TAF4: variants seen among roughly 807,000 people sequenced by gnomAD.
The protein encoded by TAF4 is transcription initiation factor TFIID subunit 4.
A neutral mutation model predicts 90.3 loss-of-function variants in TAF4; 9 were observed. That is an observed-to-expected ratio of 0.10 (90% CI 0.06 to 0.17). The LOEUF (loss-of-function observed/expected upper bound fraction) is 0.17. TAF4 is among the 10% of genes least tolerant of loss of function. The probability of loss-of-function intolerance (pLI) is 1.00; values close to 1 mark genes in which losing one functional copy is unlikely to be tolerated. For synonymous variants in TAF4, 818 were observed against 638.9 expected, an observed-to-expected ratio of 1.28 and a Z score of -4.23; for missense variants, 1,351 against 1,370.7, an observed-to-expected ratio of 0.99 and a Z score of 0.23.
At chr20:62,015,054 T>C (rs1413322870) in intron 1 of TAF4, among the ~76,000 whole-genome samples, 3 of 152,188 alleles carry the variant, frequency 2.0e-5, no homozygotes, top group Non-Finnish European at 2.9e-5. Context: ...CCAGTCTCCT[T>C]GCCCCCACCT....
At chr20:61,997,918 C>A (rs949948679) in intron 13 of TAF4, among the ~76,000 whole-genome samples, 1 of 152,170 alleles carries the variant, frequency 6.6e-6, no homozygotes, top group South Asian at 2.1e-4. Flanking sequence ...TAATGCCCCC[C>A]GCAAAGGGAA....
chr20:62,012,617 G>GA, intron 3 of TAF4, 198 bp downstream of exon 3: 1 of 675,228 alleles, frequency 1.5e-6, no homozygotes, highest in Non-Finnish European at 2.2e-6. Context: ...AAAGAAAAAA[G>GA]AAAAAAAGAA....
chr20:62,027,979 T>G (rs1249079786), intron 1 of TAF4, among the ~76,000 whole-genome samples: 1 of 152,224 alleles, frequency 6.6e-6, no homozygotes, highest in Non-Finnish European at 1.5e-5. Flanking sequence ...CCAGGAGTTG[T>G]ATCATTCTGA....
At chr20:62,031,369 G>A (rs1410601083) in intron 1 of TAF4, among the ~76,000 whole-genome samples, 1 of 152,150 alleles carries the variant, frequency 6.6e-6, no homozygotes, top group Non-Finnish European at 1.5e-5. Context: ...CTGGGCCCAG[G>A]GTGCCTTCTC....
intron 14 of TAF4, among the ~76,000 whole-genome samples, chr20:61,987,002 T>C (rs1320722047): frequency 6.6e-6 from 1 of 152,208 alleles, no homozygotes; most frequent in African/African-American, 2.4e-5. Context: ...TTGAGATACC[T>C]ACTAATTACA....
intron 1 of TAF4, among the ~76,000 whole-genome samples, chr20:62,050,968 G>A (rs943940898): frequency 3.3e-5 from 5 of 152,196 alleles, no homozygotes; most frequent in Admixed American, 2.6e-4. Flanking sequence ...CCCTCCCACA[G>A]AGCAGCTCAG....
In TAF4 at chr20:62,003,865, G is replaced by A. The variant is rs1289348063; in HGVS notation, c.2237C>T (p.Pro746Leu). The A allele has an allele frequency of 6.3e-7, 1 of 1,576,750 alleles. No homozygotes were observed. The highest frequency in any genetic ancestry group is 8.6e-7 in the Non-Finnish European group (1 of 1,163,638). ...CCGGATCAGGGCTCCTGGCTTCGGA[G>A]GCTGCTGGATGACCTGAGGCAGAGC... ...GQPTPLVIQQ[P>L]PKPGALIRPP... Residue 746 changes from proline (P) to leucine (L), a missense_variant, in exon 8 of 15, where the codon CCT becomes CTT. This residue lies in a region of TAF4 where 202 missense variants were observed against 229.7 expected (regional missense o/e 0.88). Coordinates refer to ENST00000252996, the MANE Select transcript of TAF4 (RefSeq NM_003185.4).
intron 1 of TAF4, among the ~76,000 whole-genome samples, chr20:62,035,432 C>T (rs1458372958): frequency 6.6e-6 from 1 of 152,148 alleles, no homozygotes; most frequent in Non-Finnish European, 1.5e-5. Context: ...TGAAATGTTA[C>T]AGACGGGCCA....
intron 7 of TAF4, among the ~76,000 whole-genome samples, 166 bp from the exon 8 acceptor site, chr20:62,004,044 A>G (rs974001946): frequency 5.3e-5 from 8 of 152,340 alleles, no homozygotes; most frequent in African/African-American, 1.9e-4. Context: ...CTGCAGGACC[A>G]TGCTCTGGCC....
chr20:61,998,631 G>C (rs773779975), intron 12 of TAF4, among the ~76,000 whole-genome samples: 1 of 152,172 alleles, frequency 6.6e-6, no homozygotes, highest in Non-Finnish European at 1.5e-5. Context: ...TTCTATTAAT[G>C]AGCAGTGCCT....
intron 1 of TAF4, among the ~76,000 whole-genome samples, chr20:62,051,742 T>C (rs1211155343): frequency 6.6e-6 from 1 of 152,166 alleles, no homozygotes; most frequent in African/African-American, 2.4e-5. Flanking sequence ...CAGAACCTCA[T>C]GGCAGGTGGC....
chr20:62,064,337 C>T, intron 1 of TAF4, 114 bp downstream of exon 1: 2 of 1,196,802 alleles, frequency 1.7e-6, no homozygotes, highest in Admixed American at 8.4e-5. Context: ...CCTGCTCCAG[C>T]CACGGGCCTA....
At chr20:62,037,744 G>C (rs1305788894) in intron 1 of TAF4, 1 of 212,244 alleles carries the variant, frequency 4.7e-6, no homozygotes, top group Non-Finnish European at 9.9e-6. Flanking sequence ...GTTTGGCCTA[G>C]GTACACCTGC....
At chr20:62,059,370 T>C (rs996990452) in intron 1 of TAF4, among the ~76,000 whole-genome samples, 1 of 152,194 alleles carries the variant, frequency 6.6e-6, no homozygotes, top group Non-Finnish European at 1.5e-5. Context: ...AAATCAAAAG[T>C]TTTCACTCAA....
At chr20:61,977,579 G>A (rs561203949) in intron 14 of TAF4, among the ~76,000 whole-genome samples, 2 of 152,226 alleles carry the variant, frequency 1.3e-5, no homozygotes, top group Admixed American at 1.3e-4. Flanking sequence ...TGGCATGCAA[G>A]TGTGTCTCTG....
At chr20:61,978,647 G>A (rs542968799) in intron 14 of TAF4, among the ~76,000 whole-genome samples, 169 of 148,726 alleles carry the variant, frequency 1.1e-3, no homozygotes, top group Non-Finnish European at 2.1e-3. Flanking sequence ...AACCAAGGCC[G>A]AGGGCGAGAC....
At position 62,034,827 on chromosome 20, in the gene TAF4, C is replaced by CTTTTCTTTTTTTTTTTTTTTTT. The variant is rs555793597; in HGVS notation, c.1361-20121_1361-20120insAAAAAAAAAAAAAAAAAGAAAA. On this transcript the variant is annotated intron_variant, in intron 1 of 14. Coordinates refer to ENST00000252996, the MANE Select transcript of TAF4 (RefSeq NM_003185.4). ...GATATAGTCACTATCTCATAGATTT[C>CTTTTCTTTTTTTTTTTTTTTTT]TTTTTTTTTTTGAGATGGAGTCTCG... Among the ~76,000 whole-genome samples, 70 of 141,800 alleles carry CTTTTCTTTTTTTTTTTTTTTTT rather than the reference C, an allele frequency of 4.9e-4. 1 individual carries two copies. Among genetic ancestry groups the CTTTTCTTTTTTTTTTTTTTTTT allele is most frequent in the African/African-American group, 1.5e-3 (58 of 38,612 alleles). 93.0% of individuals were successfully genotyped at this position (141,800 alleles called of 152,430 possible).
rs145542870 is a variant in TAF4 at position 62,003,797 on chromosome 20, G to A, written c.2305C>T (p.Arg769Trp). ...AGCATGATCCGGTTGTGAGGCTGCC[G>A]CAGGGCGACCATGGGTGTCTGCGTC... ...TLTQTPMVAL[R>W]QPHNRIMLTT... The change falls in exon 8 of 15, where the codon CGG becomes TGG. Residue 769 changes from arginine (R) to tryptophan (W), a missense_variant. Physicochemically the swap from Arg to Trp is moderately radical, Grantham distance 101. This residue lies in a region of TAF4 where 202 missense variants were observed against 229.7 expected (regional missense o/e 0.88). Coordinates refer to ENST00000252996, the MANE Select transcript of TAF4 (RefSeq NM_003185.4). 1 of 1,608,948 alleles carries A rather than the reference G, an allele frequency of 6.2e-7. No homozygotes were observed. Among genetic ancestry groups the A allele is most frequent in the Non-Finnish European group, 8.5e-7 (1 of 1,179,356 alleles).
At chr20:62,020,262 G>A (rs185143039) in intron 1 of TAF4, among the ~76,000 whole-genome samples, 163 of 152,354 alleles carry the variant, frequency 1.1e-3, no homozygotes, top group Middle Eastern at 3.4e-3. Flanking sequence ...TGCAGGCACC[G>A]CTGTGCCCTC....
Sources: gnomAD v4.1 joint callset for allele counts (sites outside exome capture counted in the v4.1 genomes callset) on GRCh38, gnomAD v4.1.1 for gene constraint, gnomAD v4.1.1 regional missense constraint, MANE v1.5 for transcripts, NCBI Gene and HGNC (gene_info 2026-07-23, HGNC 2026-07-21) for gene names.